Variants in RBP4 observed in about 807,000 individuals in gnomAD.
RBP4 encodes the protein retinol-binding protein 4.
A neutral mutation model predicts 26.2 loss-of-function variants in RBP4; 9 were observed. The observed-to-expected ratio is 0.34, with a 90% confidence interval of 0.21 to 0.60. The LOEUF is 0.60. Ranked by LOEUF, RBP4 falls within the 20% of genes least tolerant of loss-of-function variation. The pLI, the probability that RBP4 is intolerant of heterozygous loss-of-function variation, is 0.80. For synonymous variants in RBP4, 114 were observed against 111.0 expected (o/e 1.03, Z -0.17); for missense variants, 244 against 271.3 (o/e 0.90, Z 0.71).
At position 93,601,066 on chromosome 10, in the gene RBP4, G is replaced by A; in HGVS notation, c.-18-20C>T. On this transcript the variant is annotated intron_variant, in intron 1 of 5. Coordinates refer to ENST00000371464, the MANE Select transcript of RBP4 (RefSeq NM_006744.4). ...TCCGCCCTGCGGGAGACGCGCCTCC[G>A]TCAGTGCCCGGCAGCCGACCCCCGC... is the stretch of plus-strand genomic sequence containing the variant. 6.2e-7 allele frequency: 1 copy of A among 1,600,754 alleles called. No individual in the cohort carries two copies. Among genetic ancestry groups the A allele is most frequent in the South Asian group, 1.1e-5 (1 of 90,990 alleles).
chr10:93,592,486 T>A (rs1166829032), intron 5 of RBP4, among the ~76,000 whole-genome samples: 1 of 152,196 alleles, frequency 6.6e-6, no homozygotes, highest in Non-Finnish European at 1.5e-5. Flanking sequence ...GATGGTTTTA[T>A]AAAGTGCTTC....
In RBP4 at chr10:93,600,444, C is replaced by A. The variant is rs1229755738; in HGVS notation, c.304G>T (p.Ala102Ser). The change falls in exon 4 of 6, where the codon GCC becomes TCC. Residue 102 changes from alanine to serine, a missense_variant. Physicochemically the swap from Ala to Ser is moderately conservative, Grantham distance 99 (BLOSUM62 1). Transcript: ENST00000371464. The stretch of plus-strand genomic sequence containing the variant: ...CCCCAGTACTTCATCTTGAACTTGG[C>A]AGGGTCCTCGGTGTCTGTGAAGGTG... The part of the protein sequence containing the change: ...VGTFTDTEDP[A>S]KFKMKYWGVA... The A allele has an allele frequency of 1.2e-6, 2 of 1,614,150 alleles. No homozygotes were observed. Among genetic ancestry groups the A allele is most frequent in the Non-Finnish European group, 1.7e-6 (2 of 1,180,034 alleles).
At chr10:93,592,230 C>T (rs2058272102) in intron 5 of RBP4, 118 bp from the exon 6 acceptor site, 2 of 863,526 alleles carry the variant, frequency 2.3e-6, no homozygotes, top group South Asian at 1.4e-5. Flanking sequence ...AATTCAAATG[C>T]ATCACAGCAG....
chr10:93,593,614 G>A (rs1393604097), intron 5 of RBP4, among the ~76,000 whole-genome samples: 1 of 152,148 alleles, frequency 6.6e-6, no homozygotes, highest in African/African-American at 2.4e-5. Context: ...ACTGGACAAA[G>A]GCCTTTACCC....
upstream of RBP4, chr10:93,601,523 C>A: frequency 1.5e-6 from 1 of 670,758 alleles, no homozygotes; most frequent in South Asian, 1.9e-5. Context: ...CAGCTGCGGT[C>A]TAGGGTGGCC....
Position 93,593,903 on chromosome 10 carries a change from G to T in RBP4, c.488C>A (p.Pro163His). 6.2e-7 allele frequency: 1 copy of T among 1,613,864 alleles called. No individual in the cohort carries two copies. The highest frequency in any genetic ancestry group is 1.1e-5 in the South Asian group (1 of 91,062). The change falls in exon 5 of 6, where the codon CCC (proline) becomes CAC (histidine). Residue 163 changes from proline to histidine, a missense_variant. By Grantham distance (77) the Pro-to-His change is moderately conservative. Coordinates refer to ENST00000371464, the MANE Select transcript of RBP4 (RefSeq NM_006744.4). ...CCTTACAATCTTCTGCGCTTCTGGG[G>T]GCAGGCCGTTGGGGTCCCGGGAAAA... ...FVFSRDPNGLPPEAQKIVRQR... is the reference protein window; with the variant it reads ...FVFSRDPNGLHPEAQKIVRQR...
Position 93,601,190 on chromosome 10 carries a change from C to G in RBP4, c.-38G>C. On this transcript the variant is annotated 5_prime_UTR_variant, in exon 1 of 6. Transcript: ENST00000371464. ...ACTCACCACCGGGAGGGGAACCGCG[C>G]GCAAGCCTGGCCGCCGAGTCCGGGC... The G allele has an allele frequency of 1.5e-6, 2 of 1,366,460 alleles. No homozygotes were observed. Among genetic ancestry groups the G allele is most frequent in the Non-Finnish European group, 1.9e-6 (2 of 1,069,694 alleles). The allele number at this position is 1,366,460 out of a possible 1,614,324, so 84.6% of individuals were successfully genotyped here.
chr10:93,598,712 C>A (rs1255380994), intron 4 of RBP4, among the ~76,000 whole-genome samples: 1 of 152,210 alleles, frequency 6.6e-6, no homozygotes, highest in African/African-American at 2.4e-5. Context: ...CCTCTCTGAC[C>A]CTGTGCCTAA....
chr10:93,591,855 A>G lies in RBP4; in HGVS notation c.*220T>C, dbSNP rs886458487. 3 of 579,966 alleles carry G rather than the reference A, an allele frequency of 5.2e-6. No individual in the cohort carries two copies. The highest frequency in any genetic ancestry group is 2.9e-5 in the East Asian group (1 of 34,346). 35.9% of individuals were successfully genotyped at this position (579,966 alleles called of 1,614,324 possible). A position where few individuals can be genotyped will look rare whatever the true frequency, so the allele number is the denominator to read the frequency against. The stretch of plus-strand genomic sequence containing the variant: ...CTAAAATCACAGGACACGGGTGACT[A>G]TAGTTTAATGAATCAGAGTCTGGAA... On this transcript the variant is annotated 3_prime_UTR_variant, in exon 6 of 6. Coordinates refer to ENST00000371464, the MANE Select transcript of RBP4 (RefSeq NM_006744.4).
intron 4 of RBP4, among the ~76,000 whole-genome samples, 167 bp downstream of exon 4, chr10:93,600,226 C>T (rs1283358550): frequency 2.0e-5 from 3 of 152,150 alleles, no homozygotes; most frequent in Non-Finnish European, 4.4e-5. Context: ...GGTAGCTGCT[C>T]CCAATCTTGT....
At chr10:93,593,753 C>T in intron 5 of RBP4, 70 bp downstream of exon 5, 1 of 1,507,784 alleles carries the variant, frequency 6.6e-7, no homozygotes, top group South Asian at 1.1e-5. Context: ...ATTTCACTAG[C>T]ACGTGGGCCC....
intron 4 of RBP4, among the ~76,000 whole-genome samples, 180 bp from the exon 5 acceptor site, chr10:93,594,215 G>C (rs1451690914): frequency 1.3e-5 from 2 of 152,062 alleles, no homozygotes; most frequent in Admixed American, 1.3e-4. Context: ...AATCAGAAAG[G>C]ATCTTGTTCT....
intron 5 of RBP4, among the ~76,000 whole-genome samples, chr10:93,593,360 T>C (rs988214070): frequency 1.3e-5 from 2 of 152,138 alleles, no homozygotes; most frequent in South Asian, 4.1e-4. Context: ...TGGTTTCATA[T>C]AGAAAAAAGA....
chr10:93,592,825 A>ATT (rs541450077), intron 5 of RBP4, among the ~76,000 whole-genome samples: 1,526 of 146,888 alleles, frequency 0.01, 32 homozygotes, highest in African/African-American at 0.036. Context: ...TATTATTATT[A>ATT]TTATTTTTTT....
In RBP4 at chr10:93,600,924, C is replaced by T; in HGVS notation, c.105G>A (p.Lys35=). 6.2e-7 allele frequency: 1 copy of T among 1,612,488 alleles called. No homozygotes were observed. Among genetic ancestry groups the T allele is most frequent in the Admixed American group, 1.7e-5 (1 of 60,004 alleles). ...CCCCTGGGCCGATACCTACGCGAGC[C>T]TTGTCGAAGTTCTCCTTGACTCGGA... ...SSFRVKENFD[K]ARFSGTWYAM... The change falls in exon 2 of 6, where the codon AAG becomes AAA. Residue 35 remains lysine, a synonymous_variant. Transcript: ENST00000371464.
chr10:93,600,887 G>C, intron 2 of RBP4, 31 bp downstream of exon 2: 1 of 1,610,344 alleles, frequency 6.2e-7, no homozygotes. Context: ...TGGGGACCTG[G>C]GCCGCCTGGG....
intron 4 of RBP4, among the ~76,000 whole-genome samples, chr10:93,597,706 C>A (rs113639456): frequency 2.6e-5 from 4 of 152,246 alleles, no homozygotes; most frequent in African/African-American, 7.2e-5. Flanking sequence ...TAAAATAATT[C>A]GACAACAAAT....
intron 4 of RBP4, among the ~76,000 whole-genome samples, chr10:93,598,041 C>T (rs372464294): frequency 1.3e-5 from 2 of 152,316 alleles, no homozygotes; most frequent in African/African-American, 4.8e-5. Flanking sequence ...TTTTACAAGC[C>T]ATGGGTTAAG....
chr10:93,601,280 G>A, upstream of RBP4: 1 of 1,216,488 alleles, frequency 8.2e-7, no homozygotes, highest in Non-Finnish European at 1.0e-6. Flanking sequence ...CCGGGGGGAG[G>A]GGGTCGCGCT....
Sources: gnomAD v4.1 joint callset for allele counts (sites outside exome capture counted in the v4.1 genomes callset) on GRCh38, gnomAD v4.1.1 for gene constraint, MANE v1.5 for transcripts, NCBI Gene and HGNC (gene_info 2026-07-23, HGNC 2026-07-21) for gene names.